The following HS2ST1 variants were observed in gnomAD, a reference collection of about 807,000 sequenced individuals.
HS2ST1 encodes heparan sulfate 2-O-sulfotransferase 1.
Under a neutral mutation model 42.9 loss-of-function variants are expected in HS2ST1, and 18 were observed. The ratio of observed to expected loss-of-function variants is 0.42; its 90% CI spans 0.29 to 0.62. The LOEUF is 0.62. Among genes scored for constraint, HS2ST1 ranks in the 20% least tolerant of loss-of-function variants. The pLI is 0.21. For synonymous variants in HS2ST1, 146 were observed against 152.9 expected (o/e 0.95, Z 0.33); for missense variants, 334 against 433.8 (o/e 0.77, Z 2.04).
chr1:86,988,201 A>G (rs577994609), intron 1 of HS2ST1, among the ~76,000 whole-genome samples: 1 of 152,238 alleles, frequency 6.6e-6, no homozygotes, highest in Non-Finnish European at 1.5e-5. Flanking sequence ...ACAAGGAAAG[A>G]TGTAGCAAAG....
intron 4 of HS2ST1, among the ~76,000 whole-genome samples, chr1:87,096,734 T>A (rs1247700986): frequency 6.6e-6 from 1 of 152,186 alleles, no homozygotes; most frequent in South Asian, 2.1e-4. Context: ...AAATATCACC[T>A]GAGGGTCAGA....
At chr1:86,982,472 T>C (rs1019015921) in intron 1 of HS2ST1, among the ~76,000 whole-genome samples, 10 of 152,214 alleles carry the variant, frequency 6.6e-5, no homozygotes, top group African/African-American at 1.4e-4. Context: ...TCAATTTCTT[T>C]GTGAACAATA....
chr1:86,969,109 AATACT>A (rs1280368559), intron 1 of HS2ST1, among the ~76,000 whole-genome samples: 49 of 152,350 alleles, frequency 3.2e-4, no homozygotes, highest in African/African-American at 1.2e-3. Flanking sequence ...TTTCATACTT[AATACT>A]TTATCTTAAT....
At chr1:86,976,218 G>A (rs1262028684) in intron 1 of HS2ST1, among the ~76,000 whole-genome samples, 1 of 152,192 alleles carries the variant, frequency 6.6e-6, no homozygotes, top group Non-Finnish European at 1.5e-5. Flanking sequence ...GAACTTGTCA[G>A]TCATTGTAGC....
chr1:87,043,340 C>T (rs1487866188), intron 1 of HS2ST1, among the ~76,000 whole-genome samples: 15 of 152,002 alleles, frequency 9.9e-5, no homozygotes, highest in Admixed American at 9.8e-4. Context: ...TTAAGATTAA[C>T]AATGTAGAAT....
intron 1 of HS2ST1, among the ~76,000 whole-genome samples, chr1:86,916,425 G>C (rs942581104): frequency 1.3e-5 from 2 of 152,126 alleles, no homozygotes; most frequent in African/African-American, 4.8e-5. Flanking sequence ...GAAAATAATT[G>C]TAATATTATG....
intron 1 of HS2ST1, among the ~76,000 whole-genome samples, chr1:86,946,553 G>A (rs533745043): frequency 2.0e-5 from 3 of 152,264 alleles, no homozygotes; most frequent in South Asian, 2.1e-4. Context: ...ATAGATGGTC[G>A]CATAACAGAA....
intron 1 of HS2ST1, among the ~76,000 whole-genome samples, chr1:86,957,141 C>G (rs1021144191): frequency 2.0e-5 from 3 of 152,094 alleles, no homozygotes; most frequent in African/African-American, 7.2e-5. Flanking sequence ...CATTTATAGT[C>G]TAAGTTTCAG....
chr1:86,926,029 G>C (rs1046674725), intron 1 of HS2ST1, among the ~76,000 whole-genome samples: 2 of 152,170 alleles, frequency 1.3e-5, no homozygotes, highest in African/African-American at 2.4e-5. Context: ...AAGTTATCCA[G>C]AGACAGTTTT....
intron 1 of HS2ST1, among the ~76,000 whole-genome samples, chr1:86,984,213 T>G (rs1392475758): frequency 6.6e-6 from 1 of 152,148 alleles, no homozygotes; most frequent in Non-Finnish European, 1.5e-5. Flanking sequence ...CACAAATTAA[T>G]ATGTATATTT....
At chr1:87,082,168 A>G (rs1437923139) in intron 2 of HS2ST1, among the ~76,000 whole-genome samples, 3 of 152,146 alleles carry the variant, frequency 2.0e-5, no homozygotes, top group Admixed American at 2.0e-4. Context: ...GAAGTCTTGC[A>G]GTAGTGTAGA....
intron 1 of HS2ST1, among the ~76,000 whole-genome samples, chr1:86,920,296 A>C (rs1327735098): frequency 6.6e-6 from 1 of 152,214 alleles, no homozygotes; most frequent in Non-Finnish European, 1.5e-5. Context: ...TAAACAACTA[A>C]TTCCAGGGCC....
chr1:87,034,077 T>C (rs1650310973), intron 1 of HS2ST1, among the ~76,000 whole-genome samples: 1 of 152,198 alleles, frequency 6.6e-6, no homozygotes, highest in Non-Finnish European at 1.5e-5. Context: ...TATAAAGATG[T>C]AGTAATAGTT....
At chr1:87,083,352 A>T (rs2100643557) in intron 2 of HS2ST1, among the ~76,000 whole-genome samples, 1 of 152,266 alleles carries the variant, frequency 6.6e-6, no homozygotes, top group African/African-American at 2.4e-5. Context: ...AGGTTGGTGG[A>T]CCTCACTGCC....
intron 1 of HS2ST1, among the ~76,000 whole-genome samples, chr1:87,018,163 CAG>C (rs1188757219): frequency 3.8e-4 from 56 of 148,406 alleles, no homozygotes; most frequent in African/African-American, 1.2e-3. Context: ...CACACACACA[CAG>C]ACACACACAC....
chr1:87,005,420 A>G (rs531014963), intron 1 of HS2ST1, among the ~76,000 whole-genome samples: 3 of 152,296 alleles, frequency 2.0e-5, no homozygotes, highest in Admixed American at 1.3e-4. Context: ...ATTAAATTAT[A>G]AAGTAAATAA....
intron 5 of HS2ST1, among the ~76,000 whole-genome samples, chr1:87,101,276 C>T (rs1251569129): frequency 6.7e-6 from 1 of 150,104 alleles, no homozygotes; most frequent in African/African-American, 2.5e-5. Flanking sequence ...GGCAATTCTC[C>T]TGCCTCAGCC....
intron 1 of HS2ST1, among the ~76,000 whole-genome samples, chr1:87,037,330 A>G (rs1251001951): frequency 4.2e-5 from 1 of 23,830 alleles, no homozygotes; most frequent in Non-Finnish European, 1.5e-4. Flanking sequence ...ATAATTACTC[A>G]GTGTATCTTG....
intron 1 of HS2ST1, among the ~76,000 whole-genome samples, chr1:86,915,869 A>G (rs1337653906): frequency 3.3e-5 from 5 of 152,204 alleles, no homozygotes; most frequent in Non-Finnish European, 7.3e-5. Context: ...AGGGATGCCT[A>G]TGTATGTTGC....
Sources: gnomAD v4.1 joint callset for allele counts (sites outside exome capture counted in the v4.1 genomes callset) on GRCh38, gnomAD v4.1.1 for gene constraint, MANE v1.5 for transcripts, NCBI Gene and HGNC (gene_info 2026-07-23, HGNC 2026-07-21) for gene names.